WWOX: variants seen among roughly 807,000 people sequenced by gnomAD.
The protein encoded by WWOX is WW domain containing oxidoreductase, also known as WW domain-containing oxidoreductase.
Under a neutral mutation model 46.2 loss-of-function variants are expected in WWOX, and 69 were observed. The observed-to-expected ratio is 1.49, with a 90% confidence interval of 1.23 to 1.82. The LOEUF (loss-of-function observed/expected upper bound fraction) is 1.82. Ranked by LOEUF, WWOX falls within the 40% of genes most tolerant of loss-of-function variation. WWOX has a pLI of 0.00. For synonymous variants in WWOX, 359 were observed against 202.6 expected (o/e 1.77, Z -6.56); for missense variants, 919 against 542.6 (o/e 1.69, Z -6.89).
At chr16:78,509,665 C>T (rs1054204681) in intron 8 of WWOX, among the ~76,000 whole-genome samples, 3 of 152,112 alleles carry the variant, frequency 2.0e-5, no homozygotes, top group East Asian at 1.9e-4. Context: ...ATTTACACCA[C>T]GGAAACAGGC....
intron 8 of WWOX, among the ~76,000 whole-genome samples, chr16:78,910,485 C>T (rs2045080977): frequency 6.9e-6 from 1 of 144,016 alleles, no homozygotes; most frequent in Non-Finnish European, 1.5e-5. Context: ...TTCATGTTAG[C>T]AGAGTGTATC....
rs569864015 is a variant in WWOX at position 78,746,057 on chromosome 16, G to GA, written c.1056+313307dup. On this transcript the variant is annotated intron_variant, in intron 8 of 8. Coordinates refer to ENST00000566780, the MANE Select transcript of WWOX (RefSeq NM_016373.4). ...GAGAGGTGGAGGGGGGCTACTCTAA[G>GA]AAGCCAAAATGCTCAGGAAAGCCAG... Among the ~76,000 whole-genome samples, 280 of 152,250 alleles carry GA rather than the reference G, an allele frequency of 1.8e-3. 1 individual carries two copies. Among genetic ancestry groups the GA allele is most frequent in the African/African-American group, 6.2e-3 (257 of 41,538 alleles).
At chr16:78,782,704 A>C (rs2050360702) in intron 8 of WWOX, among the ~76,000 whole-genome samples, 1 of 139,212 alleles carries the variant, frequency 7.2e-6, no homozygotes, top group Admixed American at 7.6e-5. Context: ...AATTGTGATC[A>C]TACTATATAT....
At chr16:78,417,477 C>G (rs1054407476) in intron 6 of WWOX, among the ~76,000 whole-genome samples, 1 of 151,882 alleles carries the variant, frequency 6.6e-6, no homozygotes, top group African/African-American at 2.4e-5. Flanking sequence ...ATACAAAAAG[C>G]TCTTAAAAAG....
At chr16:79,180,453 G>C (rs776277572) in intron 8 of WWOX, among the ~76,000 whole-genome samples, 1 of 152,172 alleles carries the variant, frequency 6.6e-6, no homozygotes, top group Non-Finnish European at 1.5e-5. Context: ...ATAAAGCCTG[G>C]GGTGGTGATG....
chr16:78,452,842 C>G (rs989171159), intron 8 of WWOX, among the ~76,000 whole-genome samples: 4 of 140,858 alleles, frequency 2.8e-5, no homozygotes, highest in Admixed American at 1.4e-4. Context: ...TCCCCTATGG[C>G]TGCTATTGTT....
chr16:78,515,834 C>T (rs1010427108), intron 8 of WWOX, among the ~76,000 whole-genome samples: 1 of 152,148 alleles, frequency 6.6e-6, no homozygotes, highest in East Asian at 1.9e-4. Context: ...TTAAAAAAAG[C>T]AATAACATTC....
chr16:78,737,156 G>C (rs1597518408), intron 8 of WWOX, among the ~76,000 whole-genome samples: 1 of 151,976 alleles, frequency 6.6e-6, no homozygotes, highest in Non-Finnish European at 1.5e-5. Flanking sequence ...CTGGAGTGCA[G>C]TGGTATGATC....
At chr16:78,492,063 T>C (rs1171917528) in intron 8 of WWOX, among the ~76,000 whole-genome samples, 1 of 152,082 alleles carries the variant, frequency 6.6e-6, no homozygotes, top group Non-Finnish European at 1.5e-5. Context: ...TTGGGGTTAG[T>C]CTCTGGGTTT....
At chr16:78,632,647 C>T (rs561494678) in intron 8 of WWOX, among the ~76,000 whole-genome samples, 2 of 149,178 alleles carry the variant, frequency 1.3e-5, no homozygotes, top group East Asian at 2.0e-4. Context: ...CAACCTCTGC[C>T]TCCCATATTC....
intron 8 of WWOX, among the ~76,000 whole-genome samples, chr16:78,701,683 G>T (rs1235729999): frequency 6.6e-6 from 1 of 152,012 alleles, no homozygotes; most frequent in East Asian, 1.9e-4. Context: ...TGAGCTCGAA[G>T]GGAGCATGCA....
intron 8 of WWOX, among the ~76,000 whole-genome samples, chr16:79,131,917 G>A (rs928233498): frequency 6.6e-6 from 1 of 152,116 alleles, no homozygotes; most frequent in African/African-American, 2.4e-5. Flanking sequence ...GAGTGAGCTT[G>A]TTCAGGGAAA....
At chr16:78,988,316 C>T (rs917824921) in intron 8 of WWOX, among the ~76,000 whole-genome samples, 13 of 150,104 alleles carry the variant, frequency 8.7e-5, no homozygotes, top group African/African-American at 3.2e-4. Context: ...TGCACTCCAG[C>T]CCAGGCAACA....
At chr16:78,661,045 G>C (rs570345458) in intron 8 of WWOX, among the ~76,000 whole-genome samples, 95 of 152,282 alleles carry the variant, frequency 6.2e-4, no homozygotes, top group African/African-American at 2.1e-3. Context: ...GAATGTTCCT[G>C]CATGTATATT....
chr16:78,910,249 G>A (rs2045074148), intron 8 of WWOX, among the ~76,000 whole-genome samples: 1 of 150,174 alleles, frequency 6.7e-6, no homozygotes, highest in Non-Finnish European at 1.5e-5. Flanking sequence ...GCCAGTGCAG[G>A]TGGATTCCCT....
chr16:78,230,220 C>A (rs561807264), intron 5 of WWOX, among the ~76,000 whole-genome samples: 1 of 152,300 alleles, frequency 6.6e-6, no homozygotes, highest in African/African-American at 2.4e-5. Flanking sequence ...ATCTAATACG[C>A]AGTGCCAGGG....
intron 8 of WWOX, among the ~76,000 whole-genome samples, chr16:78,921,792 C>T (rs910256064): frequency 6.6e-6 from 1 of 152,206 alleles, no homozygotes; most frequent in African/African-American, 2.4e-5. Flanking sequence ...CAAGATTGTC[C>T]TTACTCTGAC....
At chr16:79,042,039 C>G (rs1293417398) in intron 8 of WWOX, among the ~76,000 whole-genome samples, 1 of 152,108 alleles carries the variant, frequency 6.6e-6, no homozygotes, top group Non-Finnish European at 1.5e-5. Flanking sequence ...TTATGTTCCA[C>G]AAATTTTGGA....
intron 6 of WWOX, among the ~76,000 whole-genome samples, chr16:78,389,926 T>A (rs570547906): frequency 3.5e-4 from 53 of 152,240 alleles, no homozygotes; most frequent in African/African-American, 1.3e-3. Flanking sequence ...ATTTTTGTAT[T>A]TTCTGTAGAG....
Sources: allele counts gnomAD v4.1 joint callset (sites outside exome capture counted in the v4.1 genomes callset), GRCh38; gene constraint gnomAD v4.1.1; transcripts MANE v1.5; gene names NCBI Gene and HGNC (gene_info 2026-07-23, HGNC 2026-07-21).